Variants in PHACTR2 observed in about 807,000 individuals in gnomAD.
PHACTR2 encodes the protein chromosome 6 open reading frame 56.
A neutral mutation model predicts 76.0 loss-of-function variants in PHACTR2; 30 were observed. The ratio of observed to expected loss-of-function variants is 0.39; its 90% CI spans 0.30 to 0.54. The LOEUF (loss-of-function observed/expected upper bound fraction) is 0.54, where lower values mean the gene tolerates loss of function less well. Among genes scored for constraint, PHACTR2 ranks in the 20% least tolerant of loss-of-function variants. The pLI, the probability that PHACTR2 is intolerant of heterozygous loss-of-function variation, is 0.61. For synonymous variants in PHACTR2, 292 were observed against 292.5 expected (o/e 1.00, Z 0.02); for missense variants, 696 against 781.1 (o/e 0.89, Z 1.30).
rs775302369 is a variant in PHACTR2 at position 143,647,945 on chromosome 6, T to C, written c.13+39623T>C. ...TTTGACTTCTGTGATAAGAAACCAGTGAAGGGTTGGGCTTGGGGAAGTTGC... is the reference window on the plus strand; with the variant it reads ...TTTGACTTCTGTGATAAGAAACCAGCGAAGGGTTGGGCTTGGGGAAGTTGC... On this transcript the variant is annotated intron_variant, in intron 1 of 11. Transcript: ENST00000305766. The surrounding 1 kb of genome is among the most constrained non-coding windows in gnomAD (Gnocchi z 4.2). Among the ~76,000 whole-genome samples the C allele has an allele frequency of 1.2e-4, 18 of 151,972 alleles. No homozygotes were observed. Among genetic ancestry groups the C allele is most frequent in the Non-Finnish European group, 1.9e-4 (13 of 67,966 alleles).
chr6:143,556,996 C>A lies in PHACTR2; in HGVS notation c.217+19789C>A, dbSNP rs1399971621. Among the ~76,000 whole-genome samples, 2 of 152,152 alleles carry A rather than the reference C, an allele frequency of 1.3e-5. No homozygotes were observed. Among genetic ancestry groups the A allele is most frequent in the Non-Finnish European group, 2.9e-5 (2 of 68,036 alleles). ...AATGAGGCCAGAAAGAAAGGGCCTC[C>A]CTCCCTAACCCCAGCCTCAGTTAGA... On this transcript the variant is annotated intron_variant, in intron 1 of 11. Coordinates refer to the PHACTR2 transcript ENST00000367584. This position sits in a 1 kb window ranked among gnomAD's most constrained non-coding sequence, Gnocchi z 4.3.
At chr6:143,752,503 G>A (rs1004257019) in intron 3 of PHACTR2, among the ~76,000 whole-genome samples, 3 of 151,938 alleles carry the variant, frequency 2.0e-5, no homozygotes, top group African/African-American at 7.2e-5. Context: ...ACTTGTAATG[G>A]CATTGCCTTC....
In PHACTR2 at chr6:143,782,173, C is replaced by T. The variant is rs1775446457; in HGVS notation, c.1646-1046C>T. Reference sequence around the variant, plus strand: ...CCCGGGAAGCGGAGGTTGCGGTGAGCCAAGATCGCGCCACTGCACTCTAGC... The same window carrying T: ...CCCGGGAAGCGGAGGTTGCGGTGAGTCAAGATCGCGCCACTGCACTCTAGC... On this transcript the variant is annotated intron_variant, in intron 9 of 12. Coordinates refer to ENST00000440869, the MANE Select transcript of PHACTR2 (RefSeq NM_001100164.2). This position sits in a 1 kb window ranked among gnomAD's most constrained non-coding sequence, Gnocchi z 4.6. Among the ~76,000 whole-genome samples the T allele has an allele frequency of 6.6e-6, 1 of 152,036 alleles. No individual in the cohort carries two copies. Among genetic ancestry groups the T allele is most frequent in the South Asian group, 2.1e-4 (1 of 4,822 alleles).
chr6:143,637,541 C>T (rs1776480700), intron 1 of PHACTR2, among the ~76,000 whole-genome samples: 1 of 152,204 alleles, frequency 6.6e-6, no homozygotes, highest in African/African-American at 2.4e-5. Context: ...CTTAACACAA[C>T]ACATATTAAC....
intron 2 of PHACTR2, among the ~76,000 whole-genome samples, chr6:143,725,758 A>G (rs142337101): frequency 0.016 from 2,470 of 151,616 alleles, 69 homozygotes; most frequent in African/African-American, 0.057. Flanking sequence ...CCCGGGAGGC[A>G]GAGCTTGCAG....
rs1345361920 is a variant in PHACTR2, at chr6:143,684,026, A to T, written c.46+5817A>T. On this transcript the variant is annotated intron_variant, in intron 1 of 12. Transcript: ENST00000440869. The surrounding 1 kb of genome is among the most constrained non-coding windows in gnomAD (Gnocchi z 4.3). ...TTCTATAAATGAACACTATTATAGT[A>T]TGTGGATATATGAAAACTTCCTTTA... 6.6e-6 allele frequency among the ~76,000 whole-genome samples: 1 copy of T among 152,230 alleles called. No individual in the cohort carries two copies. Among genetic ancestry groups the T allele is most frequent in the Non-Finnish European group, 1.5e-5 (1 of 68,042 alleles).
intron 1 of PHACTR2, among the ~76,000 whole-genome samples, chr6:143,577,497 G>GGA (rs1554212361): frequency 1.3e-5 from 2 of 152,102 alleles, no homozygotes; most frequent in African/African-American, 2.4e-5. Flanking sequence ...AAAAAGGTGT[G>GGA]AAAAAAACTC....
rs546464782 is a variant in PHACTR2, at chr6:143,550,193, A to T, written c.217+12986A>T. Among the ~76,000 whole-genome samples the T allele has an allele frequency of 6.6e-6, 1 of 152,012 alleles. No homozygotes were observed. Among genetic ancestry groups the T allele is most frequent in the Non-Finnish European group, 1.5e-5 (1 of 67,932 alleles). Reference sequence around the variant, plus strand: ...TAGACTTTCTCATACACATTCTAACATAGGAATCACCCGGGGATCTTGTTG... The same window carrying T: ...TAGACTTTCTCATACACATTCTAACTTAGGAATCACCCGGGGATCTTGTTG... On this transcript the variant is annotated intron_variant, in intron 1 of 11. Coordinates refer to the PHACTR2 transcript ENST00000367584. This position sits in a 1 kb window ranked among gnomAD's most constrained non-coding sequence, Gnocchi z 4.8.
rs536974915 is a variant in PHACTR2, at chr6:143,592,649, C to T, written c.217+55442C>T. Reference sequence around the variant, plus strand: ...TGTCTGTCCATCTCATCGATAAAGCCATGCGTATATGAAGCATAAATGAAT... The same window carrying T: ...TGTCTGTCCATCTCATCGATAAAGCTATGCGTATATGAAGCATAAATGAAT... On this transcript the variant is annotated intron_variant, in intron 1 of 11. Transcript: ENST00000367584. This position sits in a 1 kb window ranked among gnomAD's most constrained non-coding sequence, Gnocchi z 4.0. Among the ~76,000 whole-genome samples the T allele has an allele frequency of 1.6e-4, 25 of 152,278 alleles. No homozygotes were observed. In the South Asian group the frequency reaches 5.2e-3, roughly 32 times the overall value.
intron 1 of PHACTR2, among the ~76,000 whole-genome samples, chr6:143,705,068 G>A (rs1011543765): frequency 1.3e-5 from 2 of 151,934 alleles, no homozygotes; most frequent in African/African-American, 4.8e-5. Context: ...CTTGTGATCT[G>A]CCTGCCTCGG....
chr6:143,779,443 G>A (rs1053512491), intron 9 of PHACTR2, among the ~76,000 whole-genome samples: 6 of 151,826 alleles, frequency 4.0e-5, no homozygotes, highest in African/African-American at 1.2e-4. Flanking sequence ...CCGCCTCCTG[G>A]GTTCAAGTGA....
intron 1 of PHACTR2, among the ~76,000 whole-genome samples, chr6:143,702,639 A>G (rs1045922131): frequency 6.6e-6 from 1 of 152,156 alleles, no homozygotes; most frequent in Non-Finnish European, 1.5e-5. Flanking sequence ...GGGCTTTAAT[A>G]TATAGCATAA....
rs1219487656 is a variant in PHACTR2, at chr6:143,764,512, C to A, written c.695-749C>A. 1.4e-5 allele frequency among the ~76,000 whole-genome samples: 2 copies of A among 146,926 alleles called. No individual in the cohort carries two copies. The highest frequency in any genetic ancestry group is 2.1e-4 in the East Asian group (1 of 4,824). On this transcript the variant is annotated intron_variant, in intron 5 of 12. Coordinates refer to ENST00000440869, the MANE Select transcript of PHACTR2 (RefSeq NM_001100164.2). This position sits in a 1 kb window ranked among gnomAD's most constrained non-coding sequence, Gnocchi z 4.7. The stretch of plus-strand genomic sequence containing the variant: ...TTCCAGCCTGGGCGACAGAACAAGA[C>A]CTTGTCTCAAAAAAAAAAAAAAAAA...
At chr6:143,681,426 C>T (rs1170415923) in intron 1 of PHACTR2, among the ~76,000 whole-genome samples, 2 of 151,746 alleles carry the variant, frequency 1.3e-5, no homozygotes, top group African/African-American at 4.8e-5. Context: ...AGATCCTTTG[C>T]CTAATTTTAG....
chr6:143,825,239 G>A lies in PHACTR2; in HGVS notation c.*1550G>A, dbSNP rs1776509309. 1 of 152,188 alleles carries A rather than the reference G, an allele frequency of 6.6e-6. No individual in the cohort carries two copies. Among genetic ancestry groups the A allele is most frequent in the Non-Finnish European group, 1.5e-5 (1 of 68,020 alleles). The allele number at this position is 152,188 out of a possible 1,614,324, so 9.4% of individuals were successfully genotyped here. On this transcript the variant is annotated 3_prime_UTR_variant, in exon 13 of 13. Coordinates refer to ENST00000440869, the MANE Select transcript of PHACTR2 (RefSeq NM_001100164.2). The surrounding 1 kb of genome is among the most constrained non-coding windows in gnomAD (Gnocchi z 4.1). ...ATTTTCTAAGATGTTTCTGGTTCAA[G>A]ACTGTCATTTTCTATTTCAACCGAA...
intron 12 of PHACTR2, among the ~76,000 whole-genome samples, chr6:143,815,616 G>A (rs144707969): frequency 3.4e-4 from 52 of 152,154 alleles, no homozygotes; most frequent in African/African-American, 1.1e-3. Flanking sequence ...GGAAGGGCTG[G>A]GCGCAGTGGC....
Position 143,624,922 on chromosome 6 carries a change from G to A in PHACTR2, c.13+16600G>A, listed in dbSNP as rs1447799051. ...TGTAATCCCAGTACTTTGGGAGGCC[G>A]AGGCGGGCGGATCATTTGAGGTCAG... On this transcript the variant is annotated intron_variant, in intron 1 of 11. Transcript: ENST00000305766. The surrounding 1 kb of genome is among the most constrained non-coding windows in gnomAD (Gnocchi z 4.6). 5.3e-5 allele frequency among the ~76,000 whole-genome samples: 8 copies of A among 152,224 alleles called. No individual in the cohort carries two copies. Among genetic ancestry groups the A allele is most frequent in the African/African-American group, 1.2e-4 (5 of 41,544 alleles).
In PHACTR2 at chr6:143,823,972, A is replaced by G. The variant is rs1776483930; in HGVS notation, c.*283A>G. The G allele has an allele frequency of 1.3e-5, 4 of 309,528 alleles. No homozygotes were observed. The highest frequency in any genetic ancestry group is 2.4e-5 in the Non-Finnish European group (4 of 168,626). The allele number at this position is 309,528 out of a possible 1,614,324, so 19.2% of individuals were successfully genotyped here. On this transcript the variant is annotated 3_prime_UTR_variant, in exon 13 of 13. Coordinates refer to ENST00000440869, the MANE Select transcript of PHACTR2 (RefSeq NM_001100164.2). This position sits in a 1 kb window ranked among gnomAD's most constrained non-coding sequence, Gnocchi z 5.7. ...TCATCAGAAGCTTTAATCAAAGAAGATGAGCAGAAGACAATCACTGGCTCC... is the reference window on the plus strand; with the variant it reads ...TCATCAGAAGCTTTAATCAAAGAAGGTGAGCAGAAGACAATCACTGGCTCC...
At chr6:143,670,696 G>A (rs572336230) in intron 1 of PHACTR2, among the ~76,000 whole-genome samples, 2 of 152,086 alleles carry the variant, frequency 1.3e-5, no homozygotes, top group African/African-American at 4.8e-5. Flanking sequence ...GCTCCATCAG[G>A]TCATTTATGT....
Sources: gnomAD v4.1 joint callset for allele counts (sites outside exome capture counted in the v4.1 genomes callset) on GRCh38, gnomAD v4.1.1 for gene constraint, Gnocchi (gnomAD v3.1) non-coding constraint, MANE v1.5 for transcripts, NCBI Gene and HGNC (gene_info 2026-07-23, HGNC 2026-07-21) for gene names.